The following IFT140 variants were observed in gnomAD, a reference collection of about 807,000 sequenced individuals.
IFT140 encodes the protein intraflagellar transport 140, also known as intraflagellar transport protein 140 homolog.
A neutral mutation model predicts 164.6 loss-of-function variants in IFT140; 133 were observed. That is an observed-to-expected ratio of 0.81 (90% CI 0.70 to 0.93). The LOEUF (loss-of-function observed/expected upper bound fraction) is 0.93. Ranked by LOEUF, IFT140 falls within the 40% of genes least tolerant of loss-of-function variation. IFT140 has a pLI of 0.00. For synonymous variants in IFT140, 860 were observed against 817.3 expected, an observed-to-expected ratio of 1.05 and a Z score of -0.89; for missense variants, 2,045 against 1,972.3, an observed-to-expected ratio of 1.04 and a Z score of -0.70.
rs1489260377 is a variant in IFT140 at position 1,511,079 on chromosome 16, C to T, written c.4254G>A (p.Gln1418=). Residue 1418 remains glutamine (Q), a synonymous_variant, in exon 31 of 31, where the codon CAG becomes CAA. Coordinates refer to ENST00000426508, the MANE Select transcript of IFT140 (RefSeq NM_014714.4). The stretch of plus-strand genomic sequence containing the variant: ...GCCCCCGGTGCACGGCGTCCACGGC[C>T]TGCGGGCTCACGTAGTAGGACATGT... The part of the protein sequence containing the change: ...LANMSYYVSP[Q]AVDAVHRGLG... 3 of 1,610,150 alleles carry T rather than the reference C, an allele frequency of 1.9e-6. No homozygotes were observed. The highest frequency in any genetic ancestry group is 2.5e-6 in the Non-Finnish European group (3 of 1,178,826).
chr16:1,568,194 G>A (rs762882894), intron 15 of IFT140, 23 bp downstream of exon 15: 11 of 1,530,738 alleles, frequency 7.2e-6, no homozygotes, highest in Admixed American at 5.6e-5. Context: ...CGGAGTGGGC[G>A]AGTGGACGAG....
intron 2 of IFT140, among the ~76,000 whole-genome samples, chr16:1,608,653 AAAC>A: frequency 6.8e-6 from 1 of 148,004 alleles, no homozygotes; most frequent in African/African-American, 2.5e-5. Flanking sequence ...AAAAAAAAAG[AAAC>A]CCGAACAACA....
rs756847522 is a variant in IFT140 at position 1,564,769 on chromosome 16, G to T, written c.1902-607C>A. Among the ~76,000 whole-genome samples, 3 of 152,154 alleles carry T rather than the reference G, an allele frequency of 2.0e-5. No homozygotes were observed. Among genetic ancestry groups the T allele is most frequent in the Non-Finnish European group, 4.4e-5 (3 of 68,020 alleles). On this transcript the variant is annotated intron_variant, in intron 16 of 30. Coordinates refer to ENST00000426508, the MANE Select transcript of IFT140 (RefSeq NM_014714.4). This position sits in a 1 kb window ranked among gnomAD's most constrained non-coding sequence, Gnocchi z 5.5. ...TCATTCGCCGCCCCCAGGGTGTCAC[G>T]AACCCAGGCTGCAGAGTGGGACCCT...
intron 11 of IFT140, among the ~76,000 whole-genome samples, chr16:1,583,604 T>C (rs1028500370): frequency 1.3e-5 from 2 of 151,802 alleles, no homozygotes; most frequent in African/African-American, 4.8e-5. Flanking sequence ...CTTTTCTGTT[T>C]TTTTTTTTCT....
At chr16:1,563,434 CAG>C (rs1456816482) in intron 17 of IFT140, among the ~76,000 whole-genome samples, 1 of 150,822 alleles carries the variant, frequency 6.6e-6, no homozygotes, top group Admixed American at 6.6e-5. Context: ...ACCTGGGCGA[CAG>C]AGAGAGACTC....
intron 14 of IFT140, 94 bp from the exon 15 acceptor site, chr16:1,568,428 C>T (rs1466395629): frequency 9.8e-7 from 1 of 1,019,974 alleles, no homozygotes; most frequent in African/African-American, 1.6e-5. Flanking sequence ...ATGAGTGCTG[C>T]ACAGCTCTTA....
chr16:1,591,227 C>T (rs1249675333), intron 6 of IFT140, among the ~76,000 whole-genome samples: 2 of 151,894 alleles, frequency 1.3e-5, no homozygotes, highest in Non-Finnish European at 2.9e-5. Context: ...TCCTTGTGGG[C>T]CTCATCTCTC....
intron 19 of IFT140, among the ~76,000 whole-genome samples, chr16:1,529,881 A>C (rs757943892): frequency 3.3e-5 from 5 of 152,172 alleles, no homozygotes; most frequent in Non-Finnish European, 4.4e-5. Flanking sequence ...ATGCACGTGG[A>C]GTGCAGTGCA....
intron 3 of IFT140, 89 bp downstream of exon 3, chr16:1,607,031 C>A (rs970794732): frequency 7.6e-7 from 1 of 1,318,868 alleles, no homozygotes; most frequent in Non-Finnish European, 1.1e-6. Context: ...GGCACACACA[C>A]ACATGTGCAC....
intron 13 of IFT140, chr16:1,580,549 C>A: frequency 4.3e-6 from 2 of 465,302 alleles, no homozygotes; most frequent in East Asian, 4.0e-5. Flanking sequence ...TTTCCTGAGG[C>A]CTCCGCAGTC....
intron 19 of IFT140, among the ~76,000 whole-genome samples, chr16:1,552,426 A>C (rs8051229): frequency 0.054 from 8,166 of 151,792 alleles, 446 homozygotes; most frequent in Admixed American, 0.17. Context: ...CTGAGCCCTG[A>C]CACCAGCACA....
At chr16:1,540,070 G>T (rs1340950388) in intron 19 of IFT140, among the ~76,000 whole-genome samples, 1 of 152,210 alleles carries the variant, frequency 6.6e-6, no homozygotes, top group Non-Finnish European at 1.5e-5. Flanking sequence ...GGACGGCGGG[G>T]GGACCCTCAG....
chr16:1,537,280 C>T (rs777571318), intron 19 of IFT140, among the ~76,000 whole-genome samples: 19 of 152,330 alleles, frequency 1.2e-4, no homozygotes, highest in Non-Finnish European at 2.4e-4. Flanking sequence ...AGGCCACCCT[C>T]GGGGTTTCCG....
chr16:1,607,508 C>T (rs1001522609), intron 2 of IFT140, among the ~76,000 whole-genome samples: 1 of 152,226 alleles, frequency 6.6e-6, no homozygotes, highest in African/African-American at 2.4e-5. Flanking sequence ...GACCCGGAAT[C>T]ACCCAGGCTG....
intron 19 of IFT140, among the ~76,000 whole-genome samples, chr16:1,548,970 G>A (rs188995107): frequency 2.0e-5 from 3 of 152,344 alleles, no homozygotes; most frequent in East Asian, 1.9e-4. Flanking sequence ...ACCTTTCTTC[G>A]TCAGGGTAGG....
intron 15 of IFT140, among the ~76,000 whole-genome samples, chr16:1,567,469 C>T (rs1372652203): frequency 6.6e-6 from 1 of 152,198 alleles, no homozygotes; most frequent in African/African-American, 2.4e-5. Flanking sequence ...TGGGCTGTCA[C>T]CCCCTCAGCA....
At chr16:1,546,009 C>T (rs2032140875) in intron 19 of IFT140, among the ~76,000 whole-genome samples, 1 of 152,240 alleles carries the variant, frequency 6.6e-6, no homozygotes, top group South Asian at 2.1e-4. Context: ...TTGCATTCTG[C>T]TCACTCCACA....
Position 1,521,971 on chromosome 16 carries a change from C to G in IFT140, c.3454-1163G>C, listed in dbSNP as rs571311533. Among the ~76,000 whole-genome samples, 9 of 150,664 alleles carry G rather than the reference C, an allele frequency of 6.0e-5. No individual in the cohort carries two copies. In the South Asian group the frequency reaches 6.3e-4, roughly 11 times the overall value. On this transcript the variant is annotated intron_variant, in intron 26 of 30. Transcript: ENST00000426508. The stretch of plus-strand genomic sequence containing the variant: ...AGCATGGTGGCTCACACCTGTAATC[C>G]CAGCACTTTGGGAGGCCGAGGTAGG...
At chr16:1,517,504 G>C (rs2040399859) in intron 30 of IFT140, among the ~76,000 whole-genome samples, 1 of 152,180 alleles carries the variant, frequency 6.6e-6, no homozygotes, top group African/African-American at 2.4e-5. Context: ...TTAAACCTCA[G>C]CAAGGTACTG....
Sources: gnomAD v4.1 joint callset for allele counts (sites outside exome capture counted in the v4.1 genomes callset) on GRCh38, gnomAD v4.1.1 for gene constraint, Gnocchi (gnomAD v3.1) non-coding constraint, MANE v1.5 for transcripts, NCBI Gene and HGNC (gene_info 2026-07-23, HGNC 2026-07-21) for gene names.